ROBO2: variants seen among roughly 807,000 people sequenced by gnomAD.
The protein encoded by ROBO2 is roundabout guidance receptor 2.
In ROBO2, 53 loss-of-function variants were observed where a neutral mutation model predicts 160.8. That is an observed-to-expected ratio of 0.33 (90% CI 0.26 to 0.41). ROBO2 has a LOEUF of 0.41. Ranked by LOEUF, ROBO2 falls within the 10% of genes least tolerant of loss-of-function variation. ROBO2 has a pLI of 1.00. For missense variants in ROBO2, 1,577 were observed against 1,722.4 expected (o/e 0.92, Z 1.49); for synonymous variants, 664 against 611.7 (o/e 1.09, Z -1.26).
chr3:76,721,431 G>A (rs775277398), intron 2 of ROBO2, among the ~76,000 whole-genome samples: 18 of 152,160 alleles, frequency 1.2e-4, no homozygotes, highest in Middle Eastern at 3.4e-3. Context: ...CGGAACTGTC[G>A]TTGTGATATA....
intron 2 of ROBO2, among the ~76,000 whole-genome samples, chr3:76,957,858 A>G (rs1367483383): frequency 6.6e-6 from 1 of 151,964 alleles, no homozygotes; most frequent in African/African-American, 2.4e-5. Flanking sequence ...GATAAAATTT[A>G]ACTCTAGATG....
intron 2 of ROBO2, among the ~76,000 whole-genome samples, chr3:76,903,039 T>G (rs2075339968): frequency 6.6e-6 from 1 of 152,038 alleles, no homozygotes; most frequent in African/African-American, 2.4e-5. Context: ...GAATATTTAT[T>G]ACCCATGGCA....
chr3:77,634,967 G>A (rs758913123), exon 24 of ROBO2: 10 of 1,614,080 alleles, frequency 6.2e-6, no homozygotes, highest in Non-Finnish European at 7.6e-6. Flanking sequence ...AGAGGCCTCG[G>A]CCCACTAAAA....
At chr3:77,632,142 A>G (rs2095176556) in intron 23 of ROBO2, 1 of 169,060 alleles carries the variant, frequency 5.9e-6, no homozygotes, top group Admixed American at 6.3e-5. Flanking sequence ...TGTTTTACTA[A>G]AAGTGTTAAT....
intron 2 of ROBO2, among the ~76,000 whole-genome samples, chr3:76,175,186 G>C (rs909727191): frequency 2.6e-5 from 4 of 151,858 alleles, no homozygotes; most frequent in Admixed American, 6.6e-5. Flanking sequence ...GTATAGGAAC[G>C]CTTGTGATTT....
At chr3:77,225,820 A>G (rs1046597896) in intron 2 of ROBO2, among the ~76,000 whole-genome samples, 2 of 152,056 alleles carry the variant, frequency 1.3e-5, no homozygotes, top group Admixed American at 6.6e-5. Context: ...CAAACATTGA[A>G]GTAAAATTCA....
At chr3:77,031,658 T>A (rs2063333450) in intron 2 of ROBO2, among the ~76,000 whole-genome samples, 1 of 146,632 alleles carries the variant, frequency 6.8e-6, no homozygotes, top group African/African-American at 2.5e-5. Flanking sequence ...ATAAGACACA[T>A]AATATATAAT....
At chr3:76,287,074 C>T (rs1708539397) in intron 2 of ROBO2, among the ~76,000 whole-genome samples, 1 of 152,152 alleles carries the variant, frequency 6.6e-6, no homozygotes, top group South Asian at 2.1e-4. Flanking sequence ...ATTTATTCCT[C>T]TATGACAGTT....
At chr3:76,080,426 C>T (rs2108022395) in intron 2 of ROBO2, among the ~76,000 whole-genome samples, 1 of 152,264 alleles carries the variant, frequency 6.6e-6, no homozygotes, top group South Asian at 2.1e-4. Flanking sequence ...GAACTGGAGC[C>T]TGGATTATGT....
At chr3:76,140,554 T>G (rs1380513981) in intron 2 of ROBO2, among the ~76,000 whole-genome samples, 2 of 151,900 alleles carry the variant, frequency 1.3e-5, no homozygotes, top group African/African-American at 4.8e-5. Flanking sequence ...TCCTATCACT[T>G]TATAGTCTAC....
chr3:76,462,834 A>G (rs1169326143), intron 2 of ROBO2, among the ~76,000 whole-genome samples: 2 of 152,166 alleles, frequency 1.3e-5, no homozygotes, highest in Non-Finnish European at 2.9e-5. Context: ...TTTTCTTCTG[A>G]AGAAAGCCCT....
chr3:76,501,019 A>G lies in ROBO2; in HGVS notation c.109+563417A>G, dbSNP rs143438409. On this transcript the variant is annotated intron_variant, in intron 2 of 26. Transcript: ENST00000487694. ...GAGGGCTAGGAAGCATATTTGTCAT[A>G]AATCTCATAACTTATCCTGCAAAAT... Among the ~76,000 whole-genome samples, 171 of 152,270 alleles carry G rather than the reference A, an allele frequency of 1.1e-3. 1 individual carries two copies. The highest frequency in any genetic ancestry group is 1.2e-3 in the Non-Finnish European group (79 of 68,020).
At chr3:75,966,263 A>C (rs1949108938) in intron 2 of ROBO2, among the ~76,000 whole-genome samples, 1 of 71,452 alleles carries the variant, frequency 1.4e-5, no homozygotes, top group Non-Finnish European at 3.8e-5. Flanking sequence ...ACTTTGCCTA[A>C]ATAACGTTTT....
intron 2 of ROBO2, among the ~76,000 whole-genome samples, chr3:76,541,237 G>C (rs1421003823): frequency 6.6e-6 from 1 of 152,148 alleles, no homozygotes; most frequent in Non-Finnish European, 1.5e-5. Flanking sequence ...TATTAGGCTT[G>C]ATAAATAAGA....
exon 26 of ROBO2, chr3:77,649,157 A>T (rs2095432447): frequency 6.6e-6 from 1 of 152,220 alleles, no homozygotes; most frequent in East Asian, 1.9e-4. Flanking sequence ...ATCCAGTTCA[A>T]GGGAGAATGT....
At chr3:76,777,844 T>G (rs1305090274) in intron 2 of ROBO2, among the ~76,000 whole-genome samples, 2 of 151,114 alleles carry the variant, frequency 1.3e-5, no homozygotes, top group East Asian at 2.0e-4. Flanking sequence ...AGGCTTCTTG[T>G]GTATTTTTTC....
In ROBO2 at chr3:77,180,416, C is replaced by CTCTATA. The variant is rs1433740534; in HGVS notation, c.388+82077_388+82078insCTATAT. Among the ~76,000 whole-genome samples the CTCTATA allele has an allele frequency of 2.3e-3, 205 of 90,720 alleles. 2 individuals carry two copies. The highest frequency in any genetic ancestry group is 5.6e-3 in the African/African-American group (147 of 26,026). 59.5% of individuals were successfully genotyped at this position (90,720 alleles called of 152,430 possible). A position where few individuals can be genotyped will look rare whatever the true frequency, so the allele number is the denominator to read the frequency against. On this transcript the variant is annotated intron_variant, in intron 2 of 25. Transcript: ENST00000461745. ...TCTCTCTCTCTCTCTCTCTCTCTCT[C>CTCTATA]TATATATATATATATGTATTTTTTT...
chr3:76,167,371 C>T (rs1046820329), intron 2 of ROBO2, among the ~76,000 whole-genome samples: 7 of 152,160 alleles, frequency 4.6e-5, no homozygotes, highest in African/African-American at 9.7e-5. Flanking sequence ...TATTCAGCTC[C>T]TCTTCCTTTT....
chr3:77,530,675 T>G (rs549732359), intron 6 of ROBO2, among the ~76,000 whole-genome samples: 31 of 152,166 alleles, frequency 2.0e-4, no homozygotes, highest in Non-Finnish European at 3.2e-4. Flanking sequence ...CGTTCATATT[T>G]GCTGGTTGCC....
Sources: gnomAD v4.1 joint callset for allele counts (sites outside exome capture counted in the v4.1 genomes callset) on GRCh38, gnomAD v4.1.1 for gene constraint, MANE v1.5 for transcripts, NCBI Gene and HGNC (gene_info 2026-07-23, HGNC 2026-07-21) for gene names.